The following KCNMA1 variants were observed in gnomAD, a reference collection of about 807,000 sequenced individuals.
The protein encoded by KCNMA1 is potassium calcium-activated channel subfamily M alpha 1.
Under a neutral mutation model 140.0 loss-of-function variants are expected in KCNMA1, and 29 were observed. The observed-to-expected ratio is 0.21, with a 90% confidence interval of 0.15 to 0.28. The LOEUF (loss-of-function observed/expected upper bound fraction) is 0.28. Among genes scored for constraint, KCNMA1 ranks in the 10% least tolerant of loss-of-function variants. The pLI is 1.00. For synonymous variants in KCNMA1, 612 were observed against 611.9 expected, an observed-to-expected ratio of 1.00 and a Z score of 0.00; for missense variants, 880 against 1,602.2, an observed-to-expected ratio of 0.55 and a Z score of 7.70.
intron 24 of KCNMA1, 164 bp from the exon 25 acceptor site, chr10:76,910,260 T>C: frequency 1.4e-6 from 1 of 700,202 alleles, no homozygotes; most frequent in Non-Finnish European, 2.5e-6. Flanking sequence ...GCAGTGGGAC[T>C]CAATGGACTG....
intron 1 of KCNMA1, among the ~76,000 whole-genome samples, chr10:77,612,436 CA>C (rs2087291208): frequency 6.6e-6 from 1 of 152,168 alleles, no homozygotes; most frequent in Non-Finnish European, 1.5e-5. Context: ...GATCAAGATC[CA>C]TGAATATTCA....
At chr10:77,521,688 A>G (rs1405297875) in intron 1 of KCNMA1, among the ~76,000 whole-genome samples, 2 of 152,210 alleles carry the variant, frequency 1.3e-5, no homozygotes, top group East Asian at 3.8e-4. Flanking sequence ...TATTTTAAGC[A>G]TCATCATTTT....
intron 2 of KCNMA1, among the ~76,000 whole-genome samples, chr10:77,276,709 T>A (rs906204014): frequency 6.6e-6 from 1 of 152,182 alleles, no homozygotes; most frequent in Non-Finnish European, 1.5e-5. Flanking sequence ...GGCTGGGGAC[T>A]GGGCCTGGCT....
chr10:77,220,043 G>T (rs2049078294), intron 3 of KCNMA1, among the ~76,000 whole-genome samples: 1 of 152,102 alleles, frequency 6.6e-6, no homozygotes, highest in African/African-American at 2.4e-5. Flanking sequence ...TTCATGAAGG[G>T]TGCCCTTCTA....
At chr10:77,631,105 CCAAAAAAAAAAAA>C (rs1291860829) in intron 1 of KCNMA1, among the ~76,000 whole-genome samples, 2 of 90,120 alleles carry the variant, frequency 2.2e-5, no homozygotes, top group Admixed American at 1.3e-4. Flanking sequence ...AGACCCTGTC[CCAAAAAAAAAAAA>C]AAAAAAAAAA....
chr10:77,220,893 G>A (rs1297718289), intron 3 of KCNMA1, among the ~76,000 whole-genome samples: 1 of 152,142 alleles, frequency 6.6e-6, no homozygotes, highest in Non-Finnish European at 1.5e-5. Flanking sequence ...TAGCAACTGG[G>A]TTCTACAAAT....
At chr10:77,442,644 T>C (rs1053301083) in intron 1 of KCNMA1, among the ~76,000 whole-genome samples, 3 of 152,174 alleles carry the variant, frequency 2.0e-5, no homozygotes, top group Non-Finnish European at 4.4e-5. Flanking sequence ...GTAAAGGTTG[T>C]CATCTAGAGC....
chr10:77,008,163 G>A (rs1402034238), intron 18 of KCNMA1: 2 of 1,534,088 alleles, frequency 1.3e-6, no homozygotes, highest in East Asian at 2.4e-5. Context: ...ACTCCGGGCT[G>A]CTGGGAACCC....
rs73284507 is a variant in KCNMA1, at chr10:76,965,394, C to T, written c.2360+4580G>A. Among the ~76,000 whole-genome samples, 614 of 152,288 alleles carry T rather than the reference C, an allele frequency of 4.0e-3. 5 individuals are homozygous for T. Among genetic ancestry groups the T allele is most frequent in the African/African-American group, 0.014 (593 of 41,548 alleles). ...GGGGTTGAGTGGGCCTTCTATTTCA[C>T]ACCTCTGTGCTTATGTAGTGTGTGT... On this transcript the variant is annotated intron_variant, in intron 20 of 27. Coordinates refer to ENST00000286628, the MANE Select transcript of KCNMA1 (RefSeq NM_001161352.2).
At chr10:77,227,221 A>G (rs1423545324) in intron 3 of KCNMA1, among the ~76,000 whole-genome samples, 1 of 152,218 alleles carries the variant, frequency 6.6e-6, no homozygotes. Flanking sequence ...CTGCTTTTTT[A>G]AAAATACAAT....
intron 2 of KCNMA1, among the ~76,000 whole-genome samples, chr10:77,273,978 T>C (rs931502754): frequency 6.6e-6 from 1 of 152,198 alleles, no homozygotes; most frequent in African/African-American, 2.4e-5. Context: ...GAGGCATTCA[T>C]GTTTTTGTTT....
intron 1 of KCNMA1, among the ~76,000 whole-genome samples, chr10:77,422,700 A>G (rs2096893031): frequency 6.6e-6 from 1 of 152,222 alleles, no homozygotes; most frequent in African/African-American, 2.4e-5. Flanking sequence ...TCCTAATCCA[A>G]TATGACTGGT....
intron 3 of KCNMA1, chr10:77,217,643 G>T: frequency 2.4e-6 from 1 of 418,778 alleles, no homozygotes; most frequent in South Asian, 1.7e-5. Flanking sequence ...AAAAAAAGTG[G>T]TATGAAGTGC....
chr10:77,192,056 C>T (rs1178654611), intron 3 of KCNMA1, among the ~76,000 whole-genome samples: 2 of 152,122 alleles, frequency 1.3e-5, no homozygotes, highest in Non-Finnish European at 2.9e-5. Flanking sequence ...ACTCTGTATT[C>T]TTGAGCTTTG....
intron 3 of KCNMA1, among the ~76,000 whole-genome samples, chr10:77,211,299 C>T (rs773899726): frequency 9.9e-5 from 15 of 152,094 alleles, no homozygotes; most frequent in Middle Eastern, 3.4e-3. Context: ...GAAATAAAGC[C>T]GCACATCTAG....
chr10:77,184,005 C>T (rs2098824621), intron 4 of KCNMA1, among the ~76,000 whole-genome samples: 1 of 151,826 alleles, frequency 6.6e-6, no homozygotes, highest in Admixed American at 6.6e-5. Flanking sequence ...GGTGATTTTA[C>T]TTGTATTAGA....
chr10:77,276,041 C>T (rs1308352201), intron 2 of KCNMA1, among the ~76,000 whole-genome samples: 1 of 152,206 alleles, frequency 6.6e-6, no homozygotes, highest in Admixed American at 6.5e-5. Context: ...CCCACCTCTC[C>T]ACATTCACAG....
Position 76,941,057 on chromosome 10 carries a change from A to AAGAAAGAGAG in KCNMA1, c.2902+3715_2902+3716insCTCTCTTTCT, listed in dbSNP as rs2061992383. ...AGAAAGAAAGAAAGAAAGAAAGAGAAAGAAAGAAAGAAAAAGAAAGAAAGA... is the reference window on the plus strand; with the variant it reads ...AGAAAGAAAGAAAGAAAGAAAGAGAAAGAAAGAGAGAGAAAGAAAGAAAAAGAAAGAAAGA... On this transcript the variant is annotated intron_variant, in intron 23 of 27. Coordinates refer to ENST00000286628, the MANE Select transcript of KCNMA1 (RefSeq NM_001161352.2). Among the ~76,000 whole-genome samples the AAGAAAGAGAG allele has an allele frequency of 3.4e-5, 3 of 89,214 alleles. No individual in the cohort carries two copies. In the South Asian group the frequency reaches 9.2e-4, roughly 27 times the overall value. The allele number at this position is 89,214 out of a possible 152,430, so 58.5% of individuals were successfully genotyped here.
intron 2 of KCNMA1, among the ~76,000 whole-genome samples, chr10:77,367,156 T>C (rs2094417648): frequency 6.6e-6 from 1 of 152,172 alleles, no homozygotes; most frequent in Non-Finnish European, 1.5e-5. Context: ...GGAAGGTGCC[T>C]TTCAAGCTGG....
Sources: gnomAD v4.1 joint callset for allele counts (sites outside exome capture counted in the v4.1 genomes callset) on GRCh38, gnomAD v4.1.1 for gene constraint, MANE v1.5 for transcripts, NCBI Gene and HGNC (gene_info 2026-07-23, HGNC 2026-07-21) for gene names.